The following PHOSPHO2 variants were observed in gnomAD, a reference collection of about 807,000 sequenced individuals.
The protein encoded by PHOSPHO2 is phosphatase, orphan 2.
In PHOSPHO2, 14 loss-of-function variants were observed where a neutral mutation model predicts 16.4. The ratio of observed to expected loss-of-function variants is 0.85; its 90% CI spans 0.56 to 1.33. PHOSPHO2 has a LOEUF of 1.33. PHOSPHO2 is among the 40% of genes most tolerant of loss of function. The pLI, the probability that PHOSPHO2 is intolerant of heterozygous loss-of-function variation, is 0.00. For missense variants in PHOSPHO2, 246 were observed against 282.5 expected, an observed-to-expected ratio of 0.87 and a Z score of 0.93; for synonymous variants, 85 against 90.5, an observed-to-expected ratio of 0.94 and a Z score of 0.34.
chr2:169,694,699 C>T lies in PHOSPHO2; in HGVS notation c.-231+77C>T, dbSNP rs192556306. ...CTGCGCGCTCCCCATGGGGGACGAC[C>T]CCCGATTGGGTCCGATGCCTACCCT... On this transcript the variant is annotated intron_variant, in intron 1 of 3. Transcript: ENST00000359744. The T allele has an allele frequency of 3.4e-3, 1,232 of 359,692 alleles. 16 individuals are homozygous for T. Among genetic ancestry groups the T allele is most frequent in the African/African-American group, 0.023 (1,115 of 48,156 alleles). The allele number at this position is 359,692 out of a possible 1,614,324, so 22.3% of individuals were successfully genotyped here.
chr2:169,701,700 T>G lies in PHOSPHO2; in HGVS notation c.*3T>G, dbSNP rs752018142. On this transcript the variant is annotated 3_prime_UTR_variant, in exon 4 of 4. Coordinates refer to ENST00000359744, the MANE Select transcript of PHOSPHO2 (RefSeq NM_001008489.4). ...TACAATTTCTAATAAAGGATTAATATGTCAGCAATTGAAAAGTGTATCACT... is the reference window on the plus strand; with the variant it reads ...TACAATTTCTAATAAAGGATTAATAGGTCAGCAATTGAAAAGTGTATCACT... 29 of 1,504,772 alleles carry G rather than the reference T, an allele frequency of 1.9e-5. No individual in the cohort carries two copies. Among genetic ancestry groups the G allele is most frequent in the Non-Finnish European group, 2.5e-5 (28 of 1,122,474 alleles). The allele number at this position is 1,504,772 out of a possible 1,614,324, so 93.2% of individuals were successfully genotyped here.
At chr2:169,699,254 G>A (rs1412671081) in intron 3 of PHOSPHO2, among the ~76,000 whole-genome samples, 1 of 150,848 alleles carries the variant, frequency 6.6e-6, no homozygotes, top group Non-Finnish European at 1.5e-5. Flanking sequence ...TTATAAGTGA[G>A]AACACATGGT....
rs755126364 is a variant in PHOSPHO2 at position 169,701,032 on chromosome 2, T to G, written c.61T>G (p.Trp21Gly). The change falls in exon 4 of 4, where the codon TGG becomes GGG. Residue 21 changes from tryptophan to glycine, a missense_variant. Physicochemically the swap from Trp to Gly is radical, Grantham distance 184. Coordinates refer to ENST00000359744, the MANE Select transcript of PHOSPHO2 (RefSeq NM_001008489.4). ...NTIIDDNSDT[W>G]IVQCAPNKKL... Reference sequence around the variant, plus strand: ...AATCATAGATGACAATAGTGACACTTGGATTGTACAATGTGCTCCCAACAA... The same window carrying G: ...AATCATAGATGACAATAGTGACACTGGGATTGTACAATGTGCTCCCAACAA... The G allele has an allele frequency of 6.2e-7, 1 of 1,613,420 alleles. No homozygotes were observed. The highest frequency in any genetic ancestry group is 8.5e-7 in the Non-Finnish European group (1 of 1,179,878).
In PHOSPHO2 at chr2:169,700,946, G is replaced by A; in HGVS notation, c.-26G>A. On this transcript the variant is annotated splice_region_variant and 5_prime_UTR_variant, in exon 4 of 4. Transcript: ENST00000359744. ...GGGAATAATATTTCTTCTTTTTCAG[G>A]GTAATCCAAATCTATTTCTGGAACC... 1 of 1,563,552 alleles carries A rather than the reference G, an allele frequency of 6.4e-7. No homozygotes were observed. Among genetic ancestry groups the A allele is most frequent in the Non-Finnish European group, 8.6e-7 (1 of 1,161,388 alleles).
chr2:169,700,854 C>G, intron 3 of PHOSPHO2, 92 bp from the exon 4 acceptor site: 1 of 1,235,496 alleles, frequency 8.1e-7, no homozygotes, highest in Non-Finnish European at 1.1e-6. Context: ...CTCCCTTTAG[C>G]AGATTAACAT....
intron 3 of PHOSPHO2, among the ~76,000 whole-genome samples, chr2:169,698,729 C>T (rs2105596577): frequency 6.6e-6 from 1 of 152,238 alleles, no homozygotes; most frequent in South Asian, 2.1e-4. Context: ...TAATCACCTT[C>T]ATTATATTCT....
chr2:169,699,276 CTTG>C (rs202218591), intron 3 of PHOSPHO2, among the ~76,000 whole-genome samples: 2,224 of 147,474 alleles, frequency 0.015, 38 homozygotes, highest in Middle Eastern at 0.078. Flanking sequence ...TTTGGTTTTT[CTTG>C]TTGTTGTTCC....
intron 3 of PHOSPHO2, chr2:169,697,950 A>C (rs1156998802): frequency 6.6e-6 from 1 of 152,200 alleles, no homozygotes. Flanking sequence ...CCAGAATAAC[A>C]AAAACTATGT....
At chr2:169,696,365 A>G (rs1687537949) in intron 2 of PHOSPHO2, among the ~76,000 whole-genome samples, 1 of 152,270 alleles carries the variant, frequency 6.6e-6, no homozygotes, top group South Asian at 2.1e-4. Flanking sequence ...TGAACCAACC[A>G]TAACCATCCC....
rs1687431498 is a variant in PHOSPHO2 at position 169,694,535 on chromosome 2, G to C, written c.-318G>C. On this transcript the variant is annotated 5_prime_UTR_variant, in exon 1 of 4. Transcript: ENST00000359744. ...GCGAGCTGGGCTTGTGAGTGGGGCT[G>C]CCGAGAGGGCAGGCGTGGGGCGAGG... 2 of 625,210 alleles carry C rather than the reference G, an allele frequency of 3.2e-6. No homozygotes were observed. Among genetic ancestry groups the C allele is most frequent in the African/African-American group, 1.8e-5 (1 of 54,686 alleles). The allele number at this position is 625,210 out of a possible 1,614,324, so 38.7% of individuals were successfully genotyped here.
In PHOSPHO2 at chr2:169,700,993, G is replaced by T. The variant is rs1687733386; in HGVS notation, c.22G>T (p.Asp8Tyr). 3.8e-6 allele frequency: 6 copies of T among 1,594,378 alleles called. No individual in the cohort carries two copies. In the East Asian group the frequency reaches 1.1e-4, roughly 30 times the overall value. ...AACCATGAAAATTTTGCTAGTTTTTGACTTTGACAATACAATCATAGATGA... is the reference window on the plus strand; with the variant it reads ...AACCATGAAAATTTTGCTAGTTTTTTACTTTGACAATACAATCATAGATGA... MKILLVFDFDNTIIDDNS... is the reference protein window; with the variant it reads MKILLVFYFDNTIIDDNS... The change falls in exon 4 of 4, where the codon GAC (aspartate) becomes TAC (tyrosine). Residue 8 changes from aspartate (D) to tyrosine (Y), a missense_variant. Asp to Tyr is a radical substitution (Grantham distance 160). Transcript: ENST00000359744.
chr2:169,698,984 T>A (rs1167686484), intron 3 of PHOSPHO2, among the ~76,000 whole-genome samples: 2 of 152,212 alleles, frequency 1.3e-5, no homozygotes, highest in African/African-American at 4.8e-5. Flanking sequence ...ATTTAGAAAT[T>A]GATTTTAAGC....
At chr2:169,698,835 GAGCAGCTATAAAT>G (rs1687641897) in intron 3 of PHOSPHO2, among the ~76,000 whole-genome samples, 1 of 152,058 alleles carries the variant, frequency 6.6e-6, no homozygotes, top group Non-Finnish European at 1.5e-5. Flanking sequence ...AAACTATCTA[GAGCAGCTATAAAT>G]AAACATGTGA....
Position 169,701,221 on chromosome 2 carries a change from T to C in PHOSPHO2, c.250T>C (p.Phe84Leu), listed in dbSNP as rs765075043. Residue 84 changes from phenylalanine (F) to leucine (L), a missense_variant, in exon 4 of 4, where the codon TTT (phenylalanine) becomes CTT (leucine). Transcript: ENST00000359744. ...TCCAGGGATGGTGGAACTCTTCAAC[T>C]TTATAAGAAAGAATAAGGATAAATT... is the stretch of plus-strand genomic sequence containing the variant. ...FTPGMVELFN[F>L]IRKNKDKFDC... 31 of 1,614,050 alleles carry C rather than the reference T, an allele frequency of 1.9e-5. No individual in the cohort carries two copies. The highest frequency in any genetic ancestry group is 2.5e-5 in the Non-Finnish European group (29 of 1,179,978).
At chr2:169,699,343 G>A (rs1209161277) in intron 3 of PHOSPHO2, among the ~76,000 whole-genome samples, 5 of 152,194 alleles carry the variant, frequency 3.3e-5, no homozygotes, top group Non-Finnish European at 7.3e-5. Flanking sequence ...TCCCTGTAAA[G>A]GACATCATCT....
chr2:169,694,937 TAAAAC>T (rs1687457917), intron 1 of PHOSPHO2, among the ~76,000 whole-genome samples: 1 of 152,238 alleles, frequency 6.6e-6, no homozygotes, highest in Non-Finnish European at 1.5e-5. Flanking sequence ...ATAGGAATGT[TAAAAC>T]GTAATGATAT....
chr2:169,695,679 T>C (rs1038751949), intron 2 of PHOSPHO2, among the ~76,000 whole-genome samples: 1 of 151,974 alleles, frequency 6.6e-6, no homozygotes, highest in Non-Finnish European at 1.5e-5. Flanking sequence ...GAACAGAGAT[T>C]TTTACCCTGT....
At chr2:169,694,787 TCTC>T (rs1207396532) in intron 1 of PHOSPHO2, 165 bp downstream of exon 1, 16 of 236,472 alleles carry the variant, frequency 6.8e-5, no homozygotes, top group Admixed American at 2.9e-4. Context: ...CGTCCGCAGA[TCTC>T]CTCGCGGGTG....
chr2:169,699,966 A>G (rs1204554830), intron 3 of PHOSPHO2, among the ~76,000 whole-genome samples: 3 of 152,168 alleles, frequency 2.0e-5, no homozygotes, highest in Non-Finnish European at 4.4e-5. Context: ...TTTTATGGGC[A>G]GAGTCTTTAA....
Sources: allele counts gnomAD v4.1 joint callset (sites outside exome capture counted in the v4.1 genomes callset), GRCh38; gene constraint gnomAD v4.1.1; transcripts MANE v1.5; gene names NCBI Gene and HGNC (gene_info 2026-07-23, HGNC 2026-07-21).